SFMBT1: variants seen among roughly 807,000 people sequenced by gnomAD.
SFMBT1 encodes Scm like with four mbt domains 1.
SFMBT1 carries 32 observed loss-of-function variants against 108.7 expected under a neutral mutation model. The ratio of observed to expected loss-of-function variants is 0.29; its 90% CI spans 0.22 to 0.40. The LOEUF (loss-of-function observed/expected upper bound fraction) is 0.40, where lower values mean the gene tolerates loss of function less well. SFMBT1 is among the 10% of genes least tolerant of loss of function. The pLI, the probability that SFMBT1 is intolerant of heterozygous loss-of-function variation, is 1.00. For synonymous variants in SFMBT1, 348 were observed against 369.5 expected, an observed-to-expected ratio of 0.94 and a Z score of 0.67; for missense variants, 816 against 1,059.6, an observed-to-expected ratio of 0.77 and a Z score of 3.19.
chr3:52,960,834 C>T (rs1703937007), intron 2 of SFMBT1, among the ~76,000 whole-genome samples: 1 of 152,104 alleles, frequency 6.6e-6, no homozygotes, highest in South Asian at 2.1e-4. Flanking sequence ...ATTATTTAGC[C>T]TTTTAAAAAA....
chr3:53,044,778 G>C (rs577988739), intron 1 of SFMBT1, among the ~76,000 whole-genome samples: 6 of 152,168 alleles, frequency 3.9e-5, no homozygotes, highest in Non-Finnish European at 7.3e-5. Context: ...ACACCACTTG[G>C]GACCATCAAC....
chr3:52,969,471 C>T (rs1008743991), intron 1 of SFMBT1, among the ~76,000 whole-genome samples: 13 of 152,136 alleles, frequency 8.5e-5, no homozygotes, highest in African/African-American at 2.2e-4. Context: ...GTGTAGAGAA[C>T]GCACACTATC....
chr3:52,974,339 A>C (rs1704443575), intron 1 of SFMBT1, among the ~76,000 whole-genome samples: 2 of 152,178 alleles, frequency 1.3e-5, no homozygotes, highest in Admixed American at 1.3e-4. Context: ...TTTTCAGCAG[A>C]TGTGCAAAGT....
chr3:52,928,414 A>T lies in SFMBT1; in HGVS notation c.898-73T>A, dbSNP rs1374826116. 7 of 1,508,608 alleles carry T rather than the reference A, an allele frequency of 4.6e-6. No homozygotes were observed. In the East Asian group the frequency reaches 1.6e-4, roughly 35 times the overall value. 93.5% of individuals were successfully genotyped at this position (1,508,608 alleles called of 1,614,324 possible). A position where few individuals can be genotyped will look rare whatever the true frequency, so the allele number is the denominator to read the frequency against. On this transcript the variant is annotated intron_variant, in intron 8 of 20. Coordinates refer to ENST00000394752, the MANE Select transcript of SFMBT1 (RefSeq NM_016329.4). ...TGTGCTTTCTCCTTGGCACAGCCAA[A>T]CATATTACAAAAGTTCATACTCATG...
chr3:53,043,130 A>G (rs575385442), intron 1 of SFMBT1: 1 of 152,364 alleles, frequency 6.6e-6, no homozygotes, highest in African/African-American at 2.4e-5. Context: ...ATAAGAATTC[A>G]CTTACAACAT....
At chr3:52,966,268 G>A (rs1369418019) in intron 2 of SFMBT1, among the ~76,000 whole-genome samples, 4 of 147,866 alleles carry the variant, frequency 2.7e-5, no homozygotes, top group African/African-American at 1.0e-4. Context: ...AGTGAGCCGA[G>A]CCGAGATGGC....
chr3:52,920,729 T>A (rs752034009), intron 11 of SFMBT1, 79 bp from the exon 12 acceptor site: 1 of 821,402 alleles, frequency 1.2e-6, no homozygotes, highest in East Asian at 2.6e-5. Flanking sequence ...TCATAAACTA[T>A]TTTCTAGATA....
chr3:53,014,838 G>C (rs1699072397), intron 1 of SFMBT1, among the ~76,000 whole-genome samples: 2 of 152,190 alleles, frequency 1.3e-5, no homozygotes, highest in South Asian at 4.1e-4. Context: ...GAGAAACTAT[G>C]AATCTGGAGG....
intron 1 of SFMBT1, among the ~76,000 whole-genome samples, chr3:53,020,179 A>G (rs943686577): frequency 4.6e-5 from 7 of 152,084 alleles, no homozygotes; most frequent in African/African-American, 1.7e-4. Flanking sequence ...ACCTAAGGTC[A>G]GGAGTTCAAG....
At chr3:52,981,491 T>C (rs556321880) in intron 1 of SFMBT1, among the ~76,000 whole-genome samples, 1 of 151,444 alleles carries the variant, frequency 6.6e-6, no homozygotes, top group South Asian at 2.1e-4. Context: ...ACCTCCCTAG[T>C]AGCTAAGACT....
At chr3:52,993,948 G>A (rs1309674229) in intron 1 of SFMBT1, among the ~76,000 whole-genome samples, 1 of 150,160 alleles carries the variant, frequency 6.7e-6, no homozygotes, top group African/African-American at 2.4e-5. Flanking sequence ...GGTCGAAACT[G>A]TAATTGGCTC....
chr3:52,968,135 C>G (rs900503659), intron 2 of SFMBT1, among the ~76,000 whole-genome samples: 1 of 152,146 alleles, frequency 6.6e-6, no homozygotes, highest in Admixed American at 6.6e-5. Context: ...TCAATATACG[C>G]GAGAGCTTGG....
chr3:52,919,532 G>A (rs1702456289), intron 12 of SFMBT1, among the ~76,000 whole-genome samples: 1 of 152,152 alleles, frequency 6.6e-6, no homozygotes, highest in African/African-American at 2.4e-5. Flanking sequence ...AATGAGTATA[G>A]GGTTTCTTTC....
In SFMBT1 at chr3:52,930,946, ATAAG is replaced by A; in HGVS notation, c.786_789del (p.Phe264ArgfsTer13). 1 of 1,613,800 alleles carries A rather than the reference ATAAG, an allele frequency of 6.2e-7. No homozygotes were observed. The highest frequency in any genetic ancestry group is 8.5e-7 in the Non-Finnish European group (1 of 1,179,756). ...ATCACATGTTTTGTTTTTACCTTAA[ATAAG>A]TAAGATGGTAATGGCTCTTCCTCTT... On this transcript the variant is annotated frameshift_variant, in exon 7 of 21. Transcript: ENST00000394752. LOFTEE classifies it high-confidence loss of function.
At chr3:53,016,376 T>A (rs900688666) in intron 1 of SFMBT1, among the ~76,000 whole-genome samples, 27 of 152,106 alleles carry the variant, frequency 1.8e-4, no homozygotes, top group African/African-American at 6.5e-4. Context: ...TGAACATATA[T>A]CCAACTTTCA....
intron 1 of SFMBT1, among the ~76,000 whole-genome samples, chr3:53,003,567 AAAGT>A (rs1181588021): frequency 2.7e-5 from 4 of 149,870 alleles, no homozygotes; most frequent in African/African-American, 7.3e-5. Flanking sequence ...TCCATGATAA[AAAGT>A]AAGCCAAAAA....
chr3:53,004,167 T>C (rs1357445295), intron 1 of SFMBT1, among the ~76,000 whole-genome samples: 1 of 149,734 alleles, frequency 6.7e-6, no homozygotes, highest in Non-Finnish European at 1.5e-5. Flanking sequence ...TTTACCTTCA[T>C]GGTACTCAGG....
chr3:53,025,949 T>G (rs1347500156), intron 1 of SFMBT1, among the ~76,000 whole-genome samples: 2 of 152,192 alleles, frequency 1.3e-5, no homozygotes, highest in Non-Finnish European at 2.9e-5. Flanking sequence ...GAAAACTGAT[T>G]TTGCTTTCTC....
chr3:52,999,660 G>C (rs1308038409), intron 1 of SFMBT1, among the ~76,000 whole-genome samples: 4 of 149,828 alleles, frequency 2.7e-5, no homozygotes, highest in African/African-American at 9.7e-5. Context: ...GTCATGAGGG[G>C]AGTGGGCCAC....
Sources: gnomAD v4.1 joint callset for allele counts (sites outside exome capture counted in the v4.1 genomes callset) on GRCh38, gnomAD v4.1.1 for gene constraint, MANE v1.5 for transcripts, NCBI Gene and HGNC (gene_info 2026-07-23, HGNC 2026-07-21) for gene names.